OOSP4B: variants seen among roughly 807,000 people sequenced by gnomAD.
OOSP4B encodes the protein oocyte secreted protein family member 4B, also known as oocyte-secreted protein 4B.
chr11:60,029,346 T>G (rs1854780553), intron 3 of OOSP4B, among the ~76,000 whole-genome samples: 1 of 152,154 alleles, frequency 6.6e-6, no homozygotes, highest in Admixed American at 6.5e-5. Flanking sequence ...TTTTTAACCT[T>G]GGAATGGGGT....
intron 3 of OOSP4B, among the ~76,000 whole-genome samples, chr11:60,029,126 T>C (rs1427991281): frequency 6.6e-6 from 1 of 152,188 alleles, no homozygotes; most frequent in Non-Finnish European, 1.5e-5. Flanking sequence ...ATATAGAAAA[T>C]TTGAATGAGA....
At chr11:60,029,415 A>G (rs569155079) in intron 3 of OOSP4B, among the ~76,000 whole-genome samples, 1 of 152,020 alleles carries the variant, frequency 6.6e-6, no homozygotes, top group Non-Finnish European at 1.5e-5. Context: ...TTGCATACAT[A>G]TGGGTCTCTG....
At chr11:60,027,798 G>A (rs1411890790) in intron 3 of OOSP4B, among the ~76,000 whole-genome samples, 2 of 151,728 alleles carry the variant, frequency 1.3e-5, no homozygotes, top group Non-Finnish European at 2.9e-5. Context: ...AAATTAGCCA[G>A]GCCTGGTGGC....
exon 5 of OOSP4B, chr11:60,030,939 G>A (rs1854801679): frequency 5.0e-6 from 2 of 396,890 alleles, no homozygotes; most frequent in East Asian, 7.2e-5. Context: ...GTACAAAGAT[G>A]AGTAGCAACA....
intron 1 of OOSP4B, among the ~76,000 whole-genome samples, chr11:60,021,802 G>A (rs1237322887): frequency 6.6e-6 from 1 of 152,050 alleles, no homozygotes; most frequent in Admixed American, 6.5e-5. Flanking sequence ...TGGCCAGCCT[G>A]GCGAAACCCT....
At chr11:60,025,137 C>G (rs1300085199) in intron 3 of OOSP4B, 132 bp downstream of exon 3, 1 of 392,060 alleles carries the variant, frequency 2.6e-6, no homozygotes, top group Admixed American at 4.4e-5. Flanking sequence ...TTCTCTAACT[C>G]TAAGGAAAAT....
intron 1 of OOSP4B, among the ~76,000 whole-genome samples, chr11:60,020,588 C>T (rs1014962785): frequency 1.1e-4 from 17 of 152,302 alleles, no homozygotes; most frequent in East Asian, 5.8e-4. Flanking sequence ...CGGTTCCCGC[C>T]GGCGCCTCTC....
chr11:60,022,443 A>G (rs991917843), intron 1 of OOSP4B: 4 of 152,188 alleles, frequency 2.6e-5, no homozygotes, highest in African/African-American at 9.7e-5. Context: ...TCTCTCTAGG[A>G]AAATGGTTTC....
intron 1 of OOSP4B, chr11:60,021,332 A>G (rs1380817994): frequency 5.9e-5 from 9 of 152,206 alleles, no homozygotes; most frequent in Admixed American, 1.3e-4. Context: ...AAGGCTATAA[A>G]CAAATTACTC....
exon 3 of OOSP4B, chr11:60,024,929 G>C (rs915579091): frequency 2.3e-5 from 9 of 398,062 alleles, no homozygotes; most frequent in African/African-American, 1.6e-4. Context: ...AAATGATGAC[G>C]CCATATTATC....
chr11:60,025,837 T>A, intron 3 of OOSP4B, among the ~76,000 whole-genome samples: 1 of 152,226 alleles, frequency 6.6e-6, no homozygotes, highest in East Asian at 1.9e-4. Context: ...AAATAAGGTG[T>A]CCTTTTTGGC....
chr11:60,031,035 G>A (rs1010776316), exon 5 of OOSP4B: 9 of 383,136 alleles, frequency 2.3e-5, no homozygotes, highest in Admixed American at 1.8e-4. Context: ...TTAATTTTAA[G>A]TGAAATTGCC....
intron 1 of OOSP4B, chr11:60,019,580 GGTGA>G (rs1854665688): frequency 1.3e-5 from 2 of 154,054 alleles, no homozygotes; most frequent in Non-Finnish European, 2.9e-5. Flanking sequence ...AGATCTTCGC[GGTGA>G]GTATTAGAGC....
chr11:60,017,281 C>A (rs1854637828), exon 1 of OOSP4B: 2 of 398,200 alleles, frequency 5.0e-6, no homozygotes, highest in Non-Finnish European at 8.9e-6. Flanking sequence ...GCTGCCCCAG[C>A]AGAGGGTAAT....
At chr11:60,030,548 G>A (rs1481330301) in intron 4 of OOSP4B, among the ~76,000 whole-genome samples, 2 of 152,194 alleles carry the variant, frequency 1.3e-5, no homozygotes, top group African/African-American at 2.4e-5. Context: ...AATGTATGAT[G>A]TAATTACTTG....
chr11:60,027,115 C>T (rs969465865), intron 3 of OOSP4B, among the ~76,000 whole-genome samples: 8 of 152,092 alleles, frequency 5.3e-5, no homozygotes, highest in Admixed American at 2.0e-4. Flanking sequence ...GCATAGTCCC[C>T]AGTAGGTAAT....
chr11:60,025,179 T>C (rs1854735617), intron 3 of OOSP4B, among the ~76,000 whole-genome samples, 174 bp downstream of exon 3: 1 of 152,208 alleles, frequency 6.6e-6, no homozygotes. Context: ...GGAATTTATA[T>C]ATAGTACCTA....
At chr11:60,025,084 A>G (rs534337502) in intron 3 of OOSP4B, 79 bp downstream of exon 3, 17 of 396,736 alleles carry the variant, frequency 4.3e-5, no homozygotes, top group Middle Eastern at 6.4e-4. Flanking sequence ...ATGCAGCTAT[A>G]AAAATGCCCT....
At chr11:60,024,913 C>A in exon 3 of OOSP4B, 1 of 398,256 alleles carries the variant, frequency 2.5e-6, no homozygotes, top group South Asian at 1.3e-4. Flanking sequence ...TTCAGATGTT[C>A]CAAACAAATG....
Sources: gnomAD v4.1 joint callset for allele counts (sites outside exome capture counted in the v4.1 genomes callset) on GRCh38, gnomAD v4.1.1 for gene constraint, MANE v1.5 for transcripts, NCBI Gene and HGNC (gene_info 2026-07-23, HGNC 2026-07-21) for gene names.